CAB39L: variants seen among roughly 807,000 people sequenced by gnomAD.
CAB39L encodes the protein calcium binding protein 39 like.
In CAB39L, 23 loss-of-function variants were observed where a neutral mutation model predicts 39.1. The observed-to-expected ratio is 0.59, with a 90% CI of 0.42 to 0.83. The LOEUF (loss-of-function observed/expected upper bound fraction) is 0.83. Among genes scored for constraint, CAB39L ranks in the 40% least tolerant of loss-of-function variants. The pLI, the probability that CAB39L is intolerant of heterozygous loss-of-function variation, is 0.00. For synonymous variants in CAB39L, 126 were observed against 137.2 expected (o/e 0.92, Z 0.57); for missense variants, 366 against 391.9 (o/e 0.93, Z 0.56).
At chr13:49,442,800 A>C (rs955609039) in intron 1 of CAB39L, among the ~76,000 whole-genome samples, 54 of 148,766 alleles carry the variant, frequency 3.6e-4, no homozygotes, top group South Asian at 4.2e-4. Context: ...AAAAAAAAAA[A>C]AAAAAAAAAA....
chr13:49,311,046 C>T (rs997866718), intron 10 of CAB39L, 53 bp from the exon 11 acceptor site: 41 of 1,550,006 alleles, frequency 2.6e-5, no homozygotes, highest in African/African-American at 1.9e-4. Context: ...ACCTCACCCA[C>T]GCTACAGCAG....
intron 10 of CAB39L, among the ~76,000 whole-genome samples, chr13:49,325,714 G>A (rs1452956115): frequency 1.3e-5 from 2 of 152,152 alleles, no homozygotes; most frequent in Non-Finnish European, 2.9e-5. Context: ...ACTTGAACCT[G>A]GGAGGTGGAG....
chr13:49,342,436 T>C (rs1405951762), intron 8 of CAB39L, among the ~76,000 whole-genome samples: 1 of 152,134 alleles, frequency 6.6e-6, no homozygotes, highest in African/African-American at 2.4e-5. Context: ...TTTTAATAGA[T>C]GAAGACAAAA....
At chr13:49,333,248 A>C (rs1954759524) in intron 9 of CAB39L, among the ~76,000 whole-genome samples, 1 of 152,196 alleles carries the variant, frequency 6.6e-6, no homozygotes, top group Non-Finnish European at 1.5e-5. Context: ...CCACGTAGTC[A>C]AACTGTTAAT....
chr13:49,336,269 T>A (rs889004549), intron 9 of CAB39L, among the ~76,000 whole-genome samples: 15 of 152,062 alleles, frequency 9.9e-5, no homozygotes, highest in African/African-American at 3.4e-4. Flanking sequence ...TAATCTAACA[T>A]TAAAAAAAAC....
In CAB39L at chr13:49,382,961, C is replaced by T; in HGVS notation, c.-31-20G>A. 9.3e-7 allele frequency: 1 copy of T among 1,073,038 alleles called. No individual in the cohort carries two copies. Among genetic ancestry groups the T allele is most frequent in the Admixed American group, 2.2e-5 (1 of 45,794 alleles). 66.5% of individuals were successfully genotyped at this position (1,073,038 alleles called of 1,614,324 possible). On this transcript the variant is annotated intron_variant, in intron 3 of 10. Transcript: ENST00000409308. ...GGAATGCTAAAAACAAATAAGCCAA[C>T]AAAAATTATAACTTTAACTCTTAAT... is the stretch of plus-strand genomic sequence containing the variant.
chr13:49,319,974 T>C (rs1161319374), intron 10 of CAB39L, among the ~76,000 whole-genome samples: 2 of 152,222 alleles, frequency 1.3e-5, no homozygotes, highest in Non-Finnish European at 2.9e-5. Flanking sequence ...TTCCACTGAA[T>C]TCATTCACTG....
chr13:49,327,790 T>C (rs1012407317), intron 10 of CAB39L, among the ~76,000 whole-genome samples: 1 of 152,236 alleles, frequency 6.6e-6, no homozygotes, highest in Non-Finnish European at 1.5e-5. Flanking sequence ...TTATGTGCTA[T>C]TGTATTTGTG....
At chr13:49,333,574 T>TC (rs1954768962) in intron 9 of CAB39L, among the ~76,000 whole-genome samples, 3 of 138,644 alleles carry the variant, frequency 2.2e-5, no homozygotes, top group Non-Finnish European at 4.8e-5. Flanking sequence ...CTTTCTTTTT[T>TC]TTTTTTTTTT....
intron 3 of CAB39L, among the ~76,000 whole-genome samples, chr13:49,426,279 C>T (rs1205365348): frequency 1.3e-5 from 2 of 152,146 alleles, no homozygotes; most frequent in Non-Finnish European, 2.9e-5. Flanking sequence ...TACTCTGAGG[C>T]AGAAACTTAG....
rs189409020 is a variant in CAB39L, at chr13:49,344,203, G to A, written c.600C>T (p.Asp200=). 1.8e-5 allele frequency: 29 copies of A among 1,601,890 alleles called. No individual in the cohort carries two copies. In the South Asian group the frequency reaches 2.1e-4, roughly 12 times the overall value. The change falls in exon 8 of 11, where the codon GAC becomes GAT. Residue 200 remains aspartate (D), a synonymous_variant. Transcript: ENST00000409308. The stretch of plus-strand genomic sequence containing the variant: ...CAGTGTCGTAATTTTGTTCTAAGAA[G>A]TCTGCTACCAACACTTTATGTCTGG... ...LLTRHKVLVA[D]FLEQNYDTIF...
intron 3 of CAB39L, among the ~76,000 whole-genome samples, chr13:49,408,463 C>T (rs1048782210): frequency 1.3e-5 from 2 of 152,162 alleles, no homozygotes; most frequent in Non-Finnish European, 2.9e-5. Context: ...GTCATCCATC[C>T]TGCCACTGCA....
At chr13:49,371,465 G>A (rs1308745506) in intron 5 of CAB39L, among the ~76,000 whole-genome samples, 1 of 152,088 alleles carries the variant, frequency 6.6e-6, no homozygotes, top group African/African-American at 2.4e-5. Flanking sequence ...AAGCCACCAC[G>A]CCTGGCCAAG....
chr13:49,409,285 G>A (rs1398620327), intron 3 of CAB39L, among the ~76,000 whole-genome samples: 1 of 152,118 alleles, frequency 6.6e-6, no homozygotes, highest in Non-Finnish European at 1.5e-5. Flanking sequence ...CACTGTATGG[G>A]AGATTGGAGA....
chr13:49,359,527 AG>A (rs1955573570), intron 6 of CAB39L, among the ~76,000 whole-genome samples, 186 bp downstream of exon 6: 1 of 152,232 alleles, frequency 6.6e-6, no homozygotes, highest in South Asian at 2.1e-4. Flanking sequence ...AGAAACATTA[AG>A]GTGCAAAGAA....
intron 3 of CAB39L, among the ~76,000 whole-genome samples, chr13:49,424,391 C>T (rs1242463559): frequency 6.6e-6 from 1 of 152,196 alleles, no homozygotes; most frequent in East Asian, 1.9e-4. Flanking sequence ...ACTTAACCAA[C>T]ACTTCTGAAC....
At chr13:49,432,885 A>G (rs1049688472) in intron 3 of CAB39L, among the ~76,000 whole-genome samples, 1 of 152,206 alleles carries the variant, frequency 6.6e-6, no homozygotes, top group Non-Finnish European at 1.5e-5. Context: ...TTACCTTTAT[A>G]TGGGACCCAG....
At position 49,377,000 on chromosome 13, in the gene CAB39L, T is replaced by C. The variant is rs1457583758; in HGVS notation, c.243A>G (p.Thr81=). ...QELYSSGLLV[T]LIADLQLIDF... Reference sequence around the variant, plus strand: ...CTATCAGCTGCAGGTCAGCTATCAGTGTCACTAGCAGGCCACTGCTGTAGA... The same window carrying C: ...CTATCAGCTGCAGGTCAGCTATCAGCGTCACTAGCAGGCCACTGCTGTAGA... The change falls in exon 5 of 11, where the codon ACA becomes ACG. Residue 81 remains threonine (T), a synonymous_variant. Transcript: ENST00000409308. The C allele has an allele frequency of 5.6e-6, 9 of 1,612,546 alleles. No homozygotes were observed. Among genetic ancestry groups the C allele is most frequent in the Non-Finnish European group, 6.8e-6 (8 of 1,179,046 alleles).
intron 6 of CAB39L, among the ~76,000 whole-genome samples, chr13:49,353,878 T>A (rs115266343): frequency 0.015 from 2,304 of 152,140 alleles, 59 homozygotes; most frequent in African/African-American, 0.053. Flanking sequence ...CCTACCCCAG[T>A]CTCCGAAGAG....
Sources: allele counts gnomAD v4.1 joint callset (sites outside exome capture counted in the v4.1 genomes callset), GRCh38; gene constraint gnomAD v4.1.1; transcripts MANE v1.5; gene names NCBI Gene and HGNC (gene_info 2026-07-23, HGNC 2026-07-21).